CAMTA1: variants seen among roughly 807,000 people sequenced by gnomAD.
The protein encoded by CAMTA1 is calmodulin binding transcription activator 1.
In CAMTA1, 27 loss-of-function variants were observed where a neutral mutation model predicts 170.9. The observed-to-expected ratio is 0.16, with a 90% CI of 0.12 to 0.22. The LOEUF (loss-of-function observed/expected upper bound fraction) is 0.22, where lower values mean the gene tolerates loss of function less well. Ranked by LOEUF, CAMTA1 falls within the 10% of genes least tolerant of loss-of-function variation. The probability of loss-of-function intolerance (pLI) is 1.00; values close to 1 mark genes in which losing one functional copy is unlikely to be tolerated. For synonymous variants in CAMTA1, 833 were observed against 891.5 expected, an observed-to-expected ratio of 0.93 and a Z score of 1.17; for missense variants, 1,619 against 2,217.2, an observed-to-expected ratio of 0.73 and a Z score of 5.42.
chr1:7,707,151 T>C (rs1215156500), intron 11 of CAMTA1, among the ~76,000 whole-genome samples: 1 of 152,170 alleles, frequency 6.6e-6, no homozygotes, highest in African/African-American at 2.4e-5. Flanking sequence ...CCCAAAGTGA[T>C]GGGATTACAG....
rs571726159 is a variant in CAMTA1, at chr1:6,787,506, A to G, written c.45+1931A>G. Among the ~76,000 whole-genome samples the G allele has an allele frequency of 9.2e-5, 14 of 152,352 alleles. No homozygotes were observed. The South Asian group carries it at 2.7e-3, about 29-fold the overall frequency. On this transcript the variant is annotated intron_variant, in intron 1 of 22. Coordinates refer to ENST00000303635, the MANE Select transcript of CAMTA1 (RefSeq NM_015215.4). ...TGTAGGTATACACAGATGAAATCACATTCATTACATATACAGTGCACAGGA... is the reference window on the plus strand; with the variant it reads ...TGTAGGTATACACAGATGAAATCACGTTCATTACATATACAGTGCACAGGA...
intron 5 of CAMTA1, among the ~76,000 whole-genome samples, chr1:7,415,949 G>A (rs2091136110): frequency 6.6e-6 from 1 of 152,208 alleles, no homozygotes; most frequent in South Asian, 2.1e-4. Context: ...TTTTAGGGCA[G>A]GCCTGGCGGT....
At chr1:7,276,303 A>ATATATATATATATTTTTTT in intron 5 of CAMTA1, among the ~76,000 whole-genome samples, 1 of 24,228 alleles carries the variant, frequency 4.1e-5, no homozygotes, top group African/African-American at 3.0e-4. Flanking sequence ...ATATATATAT[A>ATATATATATATATTTTTTT]TTTTTTTTTT....
At chr1:7,416,049 G>A (rs2091144867) in intron 5 of CAMTA1, among the ~76,000 whole-genome samples, 1 of 152,182 alleles carries the variant, frequency 6.6e-6, no homozygotes, top group Non-Finnish European at 1.5e-5. Flanking sequence ...GAAATTCTGG[G>A]TTGAAAATTC....
intron 6 of CAMTA1, among the ~76,000 whole-genome samples, chr1:7,501,471 C>G (rs987859144): frequency 1.3e-5 from 2 of 151,904 alleles, no homozygotes; most frequent in Admixed American, 6.6e-5. Context: ...TTGGGCTTGG[C>G]GGGGTGTGGG....
chr1:7,036,681 C>T (rs759925380), intron 3 of CAMTA1, among the ~76,000 whole-genome samples: 30 of 152,220 alleles, frequency 2.0e-4, no homozygotes, highest in South Asian at 6.2e-4. Flanking sequence ...TGAAGTTACT[C>T]TGTTTTTATT....
chr1:7,752,921 T>C (rs533124406), intron 21 of CAMTA1, among the ~76,000 whole-genome samples: 75 of 152,358 alleles, frequency 4.9e-4, no homozygotes, highest in Admixed American at 1.1e-3. Flanking sequence ...GAAAACAGTT[T>C]CTAGTCTCAA....
chr1:6,936,606 G>C (rs1685348403), intron 3 of CAMTA1, among the ~76,000 whole-genome samples: 1 of 152,192 alleles, frequency 6.6e-6, no homozygotes. Context: ...AACTGGGGGA[G>C]GAAAGAGAGC....
At chr1:6,961,277 C>A (rs562364750) in intron 3 of CAMTA1, among the ~76,000 whole-genome samples, 5 of 152,310 alleles carry the variant, frequency 3.3e-5, no homozygotes, top group African/African-American at 1.2e-4. Flanking sequence ...AAGTAGCTTG[C>A]AGAAGGAGCA....
chr1:7,386,113 T>C lies in CAMTA1; in HGVS notation c.439-81717T>C, dbSNP rs117296541. ...GGGACCATTGTCAGGCAGAGACACA[T>C]GCGCACAGCCCCAGCCCGCTGGAAG... On this transcript the variant is annotated intron_variant, in intron 5 of 22. Transcript: ENST00000303635. Among the ~76,000 whole-genome samples, 223 of 152,272 alleles carry C rather than the reference T, an allele frequency of 1.5e-3. 4 individuals are homozygous for C. The East Asian group carries it at 0.035, about 24-fold the overall frequency.
intron 4 of CAMTA1, among the ~76,000 whole-genome samples, chr1:7,197,859 G>A (rs945491528): frequency 1.3e-5 from 2 of 151,974 alleles, no homozygotes; most frequent in Admixed American, 6.5e-5. Context: ...TCGGGACACT[G>A]GAACATTCCA....
intron 11 of CAMTA1, among the ~76,000 whole-genome samples, chr1:7,730,979 G>A (rs563480016): frequency 1.5e-4 from 23 of 150,784 alleles, no homozygotes; most frequent in African/African-American, 3.7e-4. Context: ...TGTCATAAGC[G>A]TATATAGATA....
At chr1:6,916,343 G>A (rs1680788017) in intron 3 of CAMTA1, among the ~76,000 whole-genome samples, 1 of 152,130 alleles carries the variant, frequency 6.6e-6, no homozygotes, top group Non-Finnish European at 1.5e-5. Context: ...AGTTAGGAGT[G>A]CCAGGAATCC....
chr1:7,350,223 C>T (rs1465127004), intron 5 of CAMTA1, among the ~76,000 whole-genome samples: 1 of 152,140 alleles, frequency 6.6e-6, no homozygotes, highest in African/African-American at 2.4e-5. Flanking sequence ...CACTGAGCAC[C>T]CCTCATTGGC....
At chr1:7,437,504 C>CA (rs1256180306) in intron 5 of CAMTA1, among the ~76,000 whole-genome samples, 1 of 152,170 alleles carries the variant, frequency 6.6e-6, no homozygotes, top group Admixed American at 6.5e-5. Context: ...GTAAGGACAC[C>CA]AGTCATGCTG....
At chr1:7,546,849 T>TG (rs1346468244) in intron 6 of CAMTA1, among the ~76,000 whole-genome samples, 1 of 152,222 alleles carries the variant, frequency 6.6e-6, no homozygotes, top group Admixed American at 6.5e-5. Flanking sequence ...TACTCATGAC[T>TG]GGTGATGTTC....
chr1:6,790,043 G>T (rs1197766989), intron 1 of CAMTA1, among the ~76,000 whole-genome samples: 3 of 151,380 alleles, frequency 2.0e-5, no homozygotes, highest in Non-Finnish European at 4.4e-5. Flanking sequence ...TGAATTCCTG[G>T]CCTAAAGTGA....
intron 22 of CAMTA1, among the ~76,000 whole-genome samples, chr1:7,763,420 C>T (rs1420069566): frequency 6.6e-6 from 1 of 152,196 alleles, no homozygotes; most frequent in Non-Finnish European, 1.5e-5. Flanking sequence ...GAAAATATAT[C>T]TGAAAATTGC....
chr1:7,703,708 T>C (rs2096467680), intron 11 of CAMTA1, among the ~76,000 whole-genome samples: 1 of 152,116 alleles, frequency 6.6e-6, no homozygotes, highest in Non-Finnish European at 1.5e-5. Flanking sequence ...TATTAGTATA[T>C]AACAAAAACA....
Sources: allele counts gnomAD v4.1 joint callset (sites outside exome capture counted in the v4.1 genomes callset), GRCh38; gene constraint gnomAD v4.1.1; transcripts MANE v1.5; gene names NCBI Gene and HGNC (gene_info 2026-07-23, HGNC 2026-07-21).